The following CFAP47 variants were observed in gnomAD, a reference collection of about 807,000 sequenced individuals.
CFAP47 encodes cilia- and flagella-associated protein 47.
A neutral mutation model predicts 148.1 loss-of-function variants in CFAP47; 29 were observed. The ratio of observed to expected loss-of-function variants is 0.20; its 90% CI spans 0.15 to 0.27. CFAP47 has a LOEUF of 0.27. Among genes scored for constraint, CFAP47 ranks in the 10% least tolerant of loss-of-function variants. The probability of loss-of-function intolerance (pLI) is 1.00; values close to 1 mark genes in which losing one functional copy is unlikely to be tolerated. For missense variants in CFAP47, 1,872 were observed against 1,697.5 expected, an observed-to-expected ratio of 1.10 and a Z score of -1.81; for synonymous variants, 664 against 577.3, an observed-to-expected ratio of 1.15 and a Z score of -2.15.
intron 2 of CFAP47, among the ~76,000 whole-genome samples, chrX:35,933,612 C>T (rs1295811851): frequency 9.0e-6 from 1 of 111,618 alleles, no homozygotes. Flanking sequence ...TTAATGGTGG[C>T]TTTATTTATA....
At chrX:36,322,143 T>C (rs782626904) in intron 57 of CFAP47, among the ~76,000 whole-genome samples, 73 of 111,421 alleles carry the variant, frequency 6.6e-4, no homozygotes, top group Non-Finnish European at 9.1e-4. Context: ...ATGTTTGCAA[T>C]GTGACTTATC....
At chrX:36,335,538 C>T (rs1317495161) in intron 57 of CFAP47, among the ~76,000 whole-genome samples, 1 of 111,983 alleles carries the variant, frequency 8.9e-6, no homozygotes, top group Non-Finnish European at 1.9e-5. Flanking sequence ...CTGAAGGTTT[C>T]TTCTAGGAAG....
intron 48 of CFAP47, among the ~76,000 whole-genome samples, chrX:36,247,250 A>T (rs1555997228): frequency 9.0e-6 from 1 of 110,665 alleles, no homozygotes; most frequent in African/African-American, 3.3e-5. Flanking sequence ...TAGAGATAGG[A>T]ACAATAGATA....
intron 39 of CFAP47, among the ~76,000 whole-genome samples, chrX:36,173,113 G>T (rs1329436719): frequency 2.7e-5 from 3 of 111,258 alleles, no homozygotes; most frequent in Non-Finnish European, 5.7e-5. Context: ...TTCTCTGATG[G>T]TAGTTTGTAT....
rs753293818 is a variant in CFAP47, at chrX:35,975,650, G to T, written c.2472-22G>T. ...CAAATAACTATTATCAGTTAAATTT[G>T]GATGCTTTTGCTGCATTACAGGTCT... On this transcript the variant is annotated intron_variant, in intron 14 of 63. Coordinates refer to ENST00000378653, the MANE Select transcript of CFAP47 (RefSeq NM_001304548.2). 5.8e-6 allele frequency: 7 copies of T among 1,200,045 alleles called. No individual in the cohort carries two copies. The Admixed American group carries it at 1.6e-4, about 27-fold the overall frequency.
At chrX:36,029,909 T>G (rs1937261710) in intron 22 of CFAP47, among the ~76,000 whole-genome samples, 1 of 110,508 alleles carries the variant, frequency 9.0e-6, no homozygotes, top group Non-Finnish European at 1.9e-5. Flanking sequence ...TACTAATTAT[T>G]TATTTATAGC....
intron 33 of CFAP47, among the ~76,000 whole-genome samples, chrX:36,110,024 G>A (rs1601983514): frequency 9.0e-6 from 1 of 111,220 alleles, no homozygotes; most frequent in Non-Finnish European, 1.9e-5. Flanking sequence ...CCTTTGTCAG[G>A]TGCATAGATT....
intron 25 of CFAP47, among the ~76,000 whole-genome samples, chrX:36,043,625 G>T (rs189895214): frequency 2.7e-5 from 3 of 113,130 alleles, no homozygotes; most frequent in African/African-American, 9.6e-5. Flanking sequence ...GATGCAAAGG[G>T]TGGGCTCCCA....
chrX:36,230,442 C>A (rs1555992312), intron 46 of CFAP47, among the ~76,000 whole-genome samples: 2 of 108,198 alleles, frequency 1.8e-5, no homozygotes, highest in Non-Finnish European at 3.8e-5. Context: ...CCTTCACCCA[C>A]TTTTTGATGG....
At chrX:35,955,400 T>C (rs769060064) in intron 7 of CFAP47, among the ~76,000 whole-genome samples, 1 of 112,127 alleles carries the variant, frequency 8.9e-6, no homozygotes, top group South Asian at 3.7e-4. Flanking sequence ...CTGACAATTT[T>C]TCTCCATTTT....
At chrX:36,042,260 A>G (rs1937414803) in intron 25 of CFAP47, among the ~76,000 whole-genome samples, 1 of 111,782 alleles carries the variant, frequency 8.9e-6, no homozygotes, top group African/African-American at 3.2e-5. Context: ...GCTTATTATC[A>G]CTGCTTCCCT....
chrX:36,286,412 C>A (rs1352891293), intron 51 of CFAP47, among the ~76,000 whole-genome samples: 1 of 102,508 alleles, frequency 9.8e-6, no homozygotes, highest in Admixed American at 1.1e-4. Flanking sequence ...AACTTTGGTT[C>A]CAATAAATAG....
At chrX:36,083,612 C>A (rs1461227006) in intron 29 of CFAP47, among the ~76,000 whole-genome samples, 2 of 111,213 alleles carry the variant, frequency 1.8e-5, no homozygotes, top group Non-Finnish European at 3.8e-5. Context: ...ACTAGTATAA[C>A]AATAATGAGA....
At position 36,137,977 on chromosome X, in the gene CFAP47, A is replaced by G. The variant is rs758333875; in HGVS notation, c.5340A>G (p.Arg1780=). The change falls in exon 34 of 64, where the codon AGA becomes AGG. Residue 1780 remains arginine, a synonymous_variant. Transcript: ENST00000378653. ...NCHKDVIPSE[R]WIVNFDKDLS... is the part of the protein sequence containing the mutation. The stretch of plus-strand genomic sequence containing the variant: ...AAACAGATGTTATCCCTTCTGAGAG[A>G]TGGATAGTAAATTTTGACAAAGACC... 2.5e-6 allele frequency: 2 copies of G among 794,628 alleles called. No homozygotes were observed. The highest frequency in any genetic ancestry group is 2.3e-5 in the Admixed American group (1 of 42,902). 65.5% of individuals were successfully genotyped at this position (794,628 alleles called of 1,213,427 possible).
chrX:36,041,494 T>G (rs754333633), intron 25 of CFAP47, among the ~76,000 whole-genome samples: 1 of 111,627 alleles, frequency 9.0e-6, no homozygotes, highest in African/African-American at 3.2e-5. Flanking sequence ...CAGTCAAGTT[T>G]TACTGAACTT....
chrX:35,930,559 T>C (rs1426954535), intron 2 of CFAP47, among the ~76,000 whole-genome samples: 1 of 111,569 alleles, frequency 9.0e-6, no homozygotes, highest in East Asian at 2.8e-4. Context: ...AATTCTCTAG[T>C]GGAACTGTCT....
chrX:36,347,191 C>G (rs1556016696), intron 57 of CFAP47, among the ~76,000 whole-genome samples: 2 of 112,174 alleles, frequency 1.8e-5, no homozygotes, highest in Admixed American at 1.9e-4. Context: ...AAATGCTCAT[C>G]ATCACTGGTC....
chrX:36,103,736 T>C (rs1938421030), intron 32 of CFAP47, among the ~76,000 whole-genome samples: 1 of 110,044 alleles, frequency 9.1e-6, no homozygotes, highest in South Asian at 3.8e-4. Context: ...TGTACTTTAA[T>C]GTGAACCAAT....
At chrX:35,945,220 C>T (rs72628184) in intron 3 of CFAP47, among the ~76,000 whole-genome samples, 13,730 of 111,330 alleles carry the variant, frequency 0.12, 706 homozygotes, top group South Asian at 0.24. Context: ...ATGCTTAGCA[C>T]ACTCTCTGGC....
Sources: allele counts gnomAD v4.1 joint callset (sites outside exome capture counted in the v4.1 genomes callset), GRCh38; gene constraint gnomAD v4.1.1; transcripts MANE v1.5; gene names NCBI Gene and HGNC (gene_info 2026-07-23, HGNC 2026-07-21).